The following HMCN2 variants were observed in gnomAD, a reference collection of about 807,000 sequenced individuals.
HMCN2 encodes the protein hemicentin-2.
HMCN2 carries 325 observed loss-of-function variants against 377.5 expected under a neutral mutation model. The ratio of observed to expected loss-of-function variants is 0.86; its 90% CI spans 0.79 to 0.94. HMCN2 has a LOEUF of 0.94. Ranked by LOEUF, HMCN2 falls within the 40% of genes least tolerant of loss-of-function variation. The pLI is 0.00. For missense variants in HMCN2, 4,543 were observed against 4,725.3 expected (o/e 0.96, Z 1.13); for synonymous variants, 2,007 against 2,046.8 (o/e 0.98, Z 0.53).
At chr9:130,329,836 G>C (rs1387664886) in intron 22 of HMCN2, among the ~76,000 whole-genome samples, 2 of 151,736 alleles carry the variant, frequency 1.3e-5, no homozygotes, top group South Asian at 2.1e-4. Context: ...TCCACACACA[G>C]AACCACACTC....
At chr9:130,366,616 G>T (rs1028208115) in intron 43 of HMCN2, among the ~76,000 whole-genome samples, 15 of 151,944 alleles carry the variant, frequency 9.9e-5, no homozygotes, top group Middle Eastern at 3.4e-3. Flanking sequence ...ACCATGCCCA[G>T]CTAATTTTTG....
chr9:130,344,562 T>C (rs1030205501), intron 25 of HMCN2, among the ~76,000 whole-genome samples: 3 of 150,210 alleles, frequency 2.0e-5, no homozygotes, highest in African/African-American at 7.4e-5. Flanking sequence ...GTGTTTGGTA[T>C]GTGGGGTGTG....
chr9:130,419,017 G>T lies in HMCN2; in HGVS notation c.13207G>T (p.Ala4403Ser), dbSNP rs1166247073. The change falls in exon 86 of 98, where the codon GCC becomes TCC. Residue 4403 changes from alanine (A) to serine (S), a missense_variant. By Grantham distance (99) the Ala-to-Ser change is moderately conservative. Around this residue, in one of 5 missense-constraint regions of HMCN2, gnomAD observed 1,155 missense variants for 1,157.7 expected, o/e 1.00. Transcript: ENST00000683500. ...VAHNLLGSAT[A>S]RAFLVVRGEP... ...TCACAACCTCCTGGGCTCTGCCACAGCCCGGGCGTTCCTGGTCGTGAGAGG... is the reference window on the plus strand; with the variant it reads ...TCACAACCTCCTGGGCTCTGCCACATCCCGGGCGTTCCTGGTCGTGAGAGG... 6.7e-7 allele frequency: 1 copy of T among 1,491,254 alleles called. No homozygotes were observed. The highest frequency in any genetic ancestry group is 9.0e-7 in the Non-Finnish European group (1 of 1,115,372). The allele number at this position is 1,491,254 out of a possible 1,614,324, so 92.4% of individuals were successfully genotyped here. A position where few individuals can be genotyped will look rare whatever the true frequency, so the allele number is the denominator to read the frequency against.
intron 96 of HMCN2, 75 bp from the exon 97 acceptor site, chr9:130,432,354 C>A: frequency 2.1e-6 from 3 of 1,415,036 alleles, no homozygotes; most frequent in Non-Finnish European, 2.9e-6. Context: ...AGGTACTTCT[C>A]CCCACGCACT....
intron 76 of HMCN2, chr9:130,400,339 G>A (rs1255537124): frequency 6.5e-6 from 1 of 153,912 alleles, no homozygotes; most frequent in Non-Finnish European, 1.4e-5. Context: ...TTGAGCCCAG[G>A]GAGTCCTGAG....
intron 85 of HMCN2, among the ~76,000 whole-genome samples, chr9:130,417,562 A>T (rs1843766911): frequency 6.8e-6 from 1 of 147,264 alleles, no homozygotes; most frequent in Admixed American, 6.8e-5. Flanking sequence ...AGAGACAGAG[A>T]GCTGGGGTGG....
intron 32 of HMCN2, 104 bp from the exon 33 acceptor site, chr9:130,355,642 G>A: frequency 1.7e-6 from 1 of 584,926 alleles, no homozygotes. Context: ...AGACGTGAGG[G>A]TGAGGTGCAG....
At chr9:130,397,686 CA>C in intron 74 of HMCN2, 31 bp downstream of exon 74, 1 of 1,288,380 alleles carries the variant, frequency 7.8e-7, no homozygotes, top group Non-Finnish European at 1.0e-6. Flanking sequence ...CTTCAGTGTC[CA>C]GTCCCTGTCG....
At chr9:130,365,192 C>G (rs2131579834) in intron 41 of HMCN2, among the ~76,000 whole-genome samples, 1 of 152,372 alleles carries the variant, frequency 6.6e-6, no homozygotes, top group South Asian at 2.1e-4. Flanking sequence ...GTTCATTCTT[C>G]AAAGCCACAG....
At chr9:130,296,183 C>G (rs1248177828) in intron 6 of HMCN2, among the ~76,000 whole-genome samples, 1 of 152,106 alleles carries the variant, frequency 6.6e-6, no homozygotes, top group Non-Finnish European at 1.5e-5. Context: ...AGTTTGGCTC[C>G]CAACAGAGCA....
In HMCN2 at chr9:130,408,995, T is replaced by C. The variant is rs1843264550; in HGVS notation, c.12879+62T>C. On this transcript the variant is annotated intron_variant, in intron 84 of 97. Transcript: ENST00000683500. ...AGGACAACTCTACGCTTTTTCAGAT[T>C]GTTCAAGAGGGTTCTTCCTATTGCC... 3.6e-5 allele frequency: 41 copies of C among 1,131,502 alleles called. 1 individual carries two copies. In the South Asian group the frequency reaches 4.5e-4, roughly 12 times the overall value. 70.1% of individuals were successfully genotyped at this position (1,131,502 alleles called of 1,614,324 possible). A position where few individuals can be genotyped will look rare whatever the true frequency, so the allele number is the denominator to read the frequency against.
At position 130,375,720 on chromosome 9, in the gene HMCN2, C is replaced by T. The variant is rs1841340130; in HGVS notation, c.7788C>T (p.Asn2596=). 8.1e-6 allele frequency: 8 copies of T among 985,946 alleles called. No homozygotes were observed. Among genetic ancestry groups the T allele is most frequent in the Non-Finnish European group, 9.6e-6 (8 of 830,000 alleles). The allele number at this position is 985,946 out of a possible 1,614,324, so 61.1% of individuals were successfully genotyped here. The part of the protein sequence containing the change: ...KDGAPFEASR[N]IQLLPGTHGL... ...GGGCCCCGTTTGAGGCCTCCAGGAA[C>T]ATCCAGCTGCTCCCAGGTGACGCCC... Residue 2596 remains asparagine, a synonymous_variant, in exon 50 of 98, where the codon AAC becomes AAT. Coordinates refer to ENST00000683500, the MANE Select transcript of HMCN2 (RefSeq NM_001291815.2).
At chr9:130,392,325 CAGG>C (rs1408299174) in intron 66 of HMCN2, among the ~76,000 whole-genome samples, 1 of 152,134 alleles carries the variant, frequency 6.6e-6, no homozygotes, top group Non-Finnish European at 1.5e-5. Flanking sequence ...GGAGGAGATG[CAGG>C]AGAAGTCAGG....
rs1554950925 is a variant in HMCN2, at chr9:130,350,734, A to AAT, written c.4431-673_4431-672dup. Among the ~76,000 whole-genome samples, 1,250 of 148,454 alleles carry AAT rather than the reference A, an allele frequency of 8.4e-3. 22 individuals are homozygous for AAT. The highest frequency in any genetic ancestry group is 0.029 in the African/African-American group (1,155 of 40,526). Reference sequence around the variant, plus strand: ...ACCTCGTCTCTACTAAAAATACAAAAATATATATATATATATACGGGCATG... The same window carrying AAT: ...ACCTCGTCTCTACTAAAAATACAAAAATATATATATATATATATACGGGCATG... On this transcript the variant is annotated intron_variant, in intron 29 of 97. Transcript: ENST00000683500.
In HMCN2 at chr9:130,347,680, C is replaced by A. The variant is rs1401499683; in HGVS notation, c.4024+320C>A. Among the ~76,000 whole-genome samples the A allele has an allele frequency of 6.6e-6, 1 of 152,064 alleles. No homozygotes were observed. Among genetic ancestry groups the A allele is most frequent in the African/African-American group, 2.4e-5 (1 of 41,378 alleles). On this transcript the variant is annotated intron_variant, in intron 26 of 97. Coordinates refer to ENST00000683500, the MANE Select transcript of HMCN2 (RefSeq NM_001291815.2). This position sits in a 1 kb window ranked among gnomAD's most constrained non-coding sequence, Gnocchi z 5.1. ...AGTATGGGGGAAGCACCTGGAATTC[C>A]ATCAGTGTCTTTGAGATTGGTCTAG...
intron 23 of HMCN2, among the ~76,000 whole-genome samples, chr9:130,339,464 C>A (rs1838934446): frequency 1.3e-5 from 2 of 152,152 alleles, no homozygotes; most frequent in Non-Finnish European, 2.9e-5. Flanking sequence ...ATGGGTTTGC[C>A]TGGGGGTGTG....
Position 130,403,295 on chromosome 9 carries a change from A to T in HMCN2, c.11980A>T (p.Thr3994Ser). 1 of 1,289,626 alleles carries T rather than the reference A, an allele frequency of 7.8e-7. No homozygotes were observed. The highest frequency in any genetic ancestry group is 1.0e-6 in the Non-Finnish European group (1 of 988,836). The allele number at this position is 1,289,626 out of a possible 1,614,324, so 79.9% of individuals were successfully genotyped here. The change falls in exon 79 of 98, where the codon ACC (threonine) becomes TCC (serine). Residue 3994 changes from threonine (T) to serine (S), a missense_variant. Thr to Ser is a moderately conservative substitution (Grantham distance 58). This residue lies in a region of HMCN2 where 1,073 missense variants were observed against 1,319.5 expected (regional missense o/e 0.81). Transcript: ENST00000683500. Reference sequence around the variant, plus strand: ...CTCAGGCATCCCCCGGCCGACCATCACCTGGCAGAAGGAAGGGCTCAACGT... The same window carrying T: ...CTCAGGCATCCCCCGGCCGACCATCTCCTGGCAGAAGGAAGGGCTCAACGT... ...EASGIPRPTI[T>S]WQKEGLNVAT... is the part of the protein sequence containing the mutation.
At chr9:130,421,565 C>T (rs998188084) in intron 86 of HMCN2, among the ~76,000 whole-genome samples, 1 of 152,098 alleles carries the variant, frequency 6.6e-6, no homozygotes, top group Non-Finnish European at 1.5e-5. Flanking sequence ...ATTTCCTGTC[C>T]CCTTCCAAAG....
At position 130,427,571 on chromosome 9, in the gene HMCN2, A is replaced by C. The variant is rs1235182815; in HGVS notation, c.14017A>C (p.Thr4673Pro). Residue 4673 changes from threonine to proline, a missense_variant, in exon 92 of 98, where the codon ACC becomes CCC. Physicochemically the swap from Thr to Pro is conservative, Grantham distance 38 (BLOSUM62 -1). Around this residue, in one of 5 missense-constraint regions of HMCN2, gnomAD observed 1,155 missense variants for 1,157.7 expected, o/e 1.00. Transcript: ENST00000683500. Reference sequence around the variant, plus strand: ...TAATGCACCCGGCCGCTTCTCCTGCACCTGCCCCACTGGCTTCGCCCTGGC... The same window carrying C: ...TAATGCACCCGGCCGCTTCTCCTGCCCCTGCCCCACTGGCTTCGCCCTGGC... ...CLNAPGRFSC[T>P]CPTGFALAWD... 1 of 1,550,378 alleles carries C rather than the reference A, an allele frequency of 6.5e-7. No homozygotes were observed. The highest frequency in any genetic ancestry group is 8.7e-7 in the Non-Finnish European group (1 of 1,146,932).
Sources: gnomAD v4.1 joint callset for allele counts (sites outside exome capture counted in the v4.1 genomes callset) on GRCh38, gnomAD v4.1.1 for gene constraint, gnomAD v4.1.1 regional missense constraint, Gnocchi (gnomAD v3.1) non-coding constraint, MANE v1.5 for transcripts, NCBI Gene and HGNC (gene_info 2026-07-23, HGNC 2026-07-21) for gene names.